Variants in CEP152 observed in about 807,000 individuals in gnomAD.
CEP152 encodes centrosomal protein of 152 kDa.
In CEP152, 132 loss-of-function variants were observed where a neutral mutation model predicts 188.9. The observed-to-expected ratio is 0.70, with a 90% confidence interval of 0.61 to 0.81. The LOEUF (loss-of-function observed/expected upper bound fraction) is 0.81, where lower values mean the gene tolerates loss of function less well. CEP152 is among the 30% of genes least tolerant of loss of function. The pLI, the probability that CEP152 is intolerant of heterozygous loss-of-function variation, is 0.00. For missense variants in CEP152, 1,914 were observed against 1,969.8 expected (o/e 0.97, Z 0.54); for synonymous variants, 649 against 666.6 (o/e 0.97, Z 0.41).
intron 12 of CEP152, 68 bp from the exon 13 acceptor site, chr15:48,772,759 G>T (rs1425143188): frequency 2.3e-5 from 31 of 1,344,686 alleles, no homozygotes; most frequent in Non-Finnish European, 3.1e-5. Flanking sequence ...TTCCCTAAAA[G>T]CACTGACCAC....
At chr15:48,740,986 C>T in intron 26 of CEP152, 2 of 956,524 alleles carry the variant, frequency 2.1e-6, no homozygotes, top group Non-Finnish European at 2.5e-6. Flanking sequence ...AACATATCAC[C>T]CTCATATGTG....
intron 2 of CEP152, among the ~76,000 whole-genome samples, chr15:48,730,563 C>T (rs1409241520): frequency 1.3e-5 from 2 of 152,134 alleles, no homozygotes; most frequent in Non-Finnish European, 2.9e-5. Context: ...GACCTGGAAG[C>T]GCTCAGAGGG....
In CEP152 at chr15:48,752,340, T is replaced by C. The variant is rs777473602; in HGVS notation, c.3466+9A>G. 3.7e-6 allele frequency: 6 copies of C among 1,613,912 alleles called. No homozygotes were observed. In the African/African-American group the frequency reaches 8.0e-5, roughly 22 times the overall value. On this transcript the variant is annotated intron_variant, in intron 21 of 26. Coordinates refer to ENST00000380950, the MANE Select transcript of CEP152 (RefSeq NM_001194998.2). Reference sequence around the variant, plus strand: ...GCTACAAAGACTGGTGGGAACAAAATCCAATTACCAGCTTCTGCTTCTGTT... The same window carrying C: ...GCTACAAAGACTGGTGGGAACAAAACCCAATTACCAGCTTCTGCTTCTGTT...
At chr15:48,756,965 A>G (rs1025742298) in intron 19 of CEP152, among the ~76,000 whole-genome samples, 4 of 152,220 alleles carry the variant, frequency 2.6e-5, no homozygotes, top group African/African-American at 7.2e-5. Context: ...ACACACCTGC[A>G]TAATTACTTG....
chr15:48,766,930 A>C (rs1895155229), intron 17 of CEP152, 130 bp downstream of exon 17: 3 of 1,223,938 alleles, frequency 2.5e-6, no homozygotes, highest in Non-Finnish European at 3.6e-6. Flanking sequence ...AGTGTGATAC[A>C]GCCAAAAGTA....
chr15:48,781,299 T>C lies in CEP152; in HGVS notation c.1474A>G (p.Ile492Val). 6.2e-7 allele frequency: 1 copy of C among 1,611,690 alleles called. No homozygotes were observed. The highest frequency in any genetic ancestry group is 8.5e-7 in the Non-Finnish European group (1 of 1,178,032). Residue 492 changes from isoleucine (I) to valine (V), a missense_variant, in exon 12 of 27, where the codon ATA (isoleucine) becomes GTA (valine). Coordinates refer to ENST00000380950, the MANE Select transcript of CEP152 (RefSeq NM_001194998.2). ...SLYESAAKLG[I>V]HPSDSEGELN... ...TCTCCTTCTGAGTCACTTGGATGTA[T>C]TCCTAGTTTTGCAGCAGATTCATAG...
At chr15:48,730,526 T>A (rs1892387567) in intron 2 of CEP152, among the ~76,000 whole-genome samples, 1 of 152,018 alleles carries the variant, frequency 6.6e-6, no homozygotes, top group African/African-American at 2.4e-5. Flanking sequence ...ATCCCTGAAC[T>A]AATGAGGATG....
At chr15:48,755,246 T>G (rs912028453) in intron 20 of CEP152, among the ~76,000 whole-genome samples, 7 of 152,204 alleles carry the variant, frequency 4.6e-5, no homozygotes, top group Admixed American at 2.0e-4. Flanking sequence ...ATCCAGAAAC[T>G]GGGCTTCAGA....
intron 23 of CEP152, 129 bp downstream of exon 23, chr15:48,744,767 G>A (rs1241393681): frequency 2.3e-6 from 2 of 875,334 alleles, no homozygotes; most frequent in Non-Finnish European, 3.4e-6. Flanking sequence ...CAGGAAATAA[G>A]GTTTTGGGGG....
At chr15:48,736,752 G>A (rs1171742270), downstream of CEP152, among the ~76,000 whole-genome samples, 1 of 152,172 alleles carries the variant, frequency 6.6e-6, no homozygotes, top group East Asian at 1.9e-4. Flanking sequence ...GAAAGCAAGA[G>A]AACTTCCAAT....
chr15:48,796,344 G>A (rs1168166030), intron 5 of CEP152, among the ~76,000 whole-genome samples, 184 bp from the exon 6 acceptor site: 1 of 150,110 alleles, frequency 6.7e-6, no homozygotes, highest in African/African-American at 2.5e-5. Context: ...CTGCTCAAAA[G>A]TAGCACGTAT....
chr15:48,769,696 A>G (rs7178974), intron 13 of CEP152, among the ~76,000 whole-genome samples: 12,248 of 152,274 alleles, frequency 0.08, 748 homozygotes, highest in Admixed American at 0.18. Flanking sequence ...CAAATATCCT[A>G]TTTCTCATCA....
Position 48,739,029 on chromosome 15 carries a change from C to A in CEP152, c.4353G>T (p.Lys1451Asn). Residue 1451 changes from lysine to asparagine, a missense_variant, in exon 27 of 27, where the codon AAG (lysine) becomes AAT (asparagine). By Grantham distance (94) the Lys-to-Asn change is moderately conservative. Transcript: ENST00000380950. ...LEFQFGDGSCKHLNSLPRNVS... is the reference protein window; with the variant it reads ...LEFQFGDGSCNHLNSLPRNVS... The stretch of plus-strand genomic sequence containing the variant: ...CATTCCTTGGCAAACTGTTTAGGTG[C>A]TTGCAACTACCATCCCCAAACTGGA... The A allele has an allele frequency of 1.2e-6, 2 of 1,614,140 alleles. No homozygotes were observed. Among genetic ancestry groups the A allele is most frequent in the Non-Finnish European group, 8.5e-7 (1 of 1,180,020 alleles).
intron 2 of CEP152, chr15:48,729,363 C>T (rs879643289): frequency 2.6e-5 from 4 of 152,184 alleles, no homozygotes; most frequent in Non-Finnish European, 5.9e-5. Context: ...TAGCGAGACA[C>T]TGTGTCTACA....
rs72739872 is a variant in CEP152 at position 48,805,537 on chromosome 15, T to C, written c.87+26A>G. The C allele has an allele frequency of 0.14, 109,364 of 784,176 alleles. 576 individuals carry two copies. Among genetic ancestry groups the C allele is most frequent in the African/African-American group, 0.25 (9,998 of 39,520 alleles). The allele number at this position is 784,176 out of a possible 1,614,324, so 48.6% of individuals were successfully genotyped here. On this transcript the variant is annotated intron_variant, in intron 2 of 26. Coordinates refer to ENST00000380950, the MANE Select transcript of CEP152 (RefSeq NM_001194998.2). ...GTTAAAGATTGGGTTTAGTGTCTCTTTTTTTTTTTTTTTTTAACAACTTAC... is the reference window on the plus strand; with the variant it reads ...GTTAAAGATTGGGTTTAGTGTCTCTCTTTTTTTTTTTTTTTAACAACTTAC...
chr15:48,807,963 T>C (rs1379609955), intron 1 of CEP152, among the ~76,000 whole-genome samples: 2 of 152,074 alleles, frequency 1.3e-5, no homozygotes, highest in African/African-American at 4.8e-5. Context: ...ATTCAAAACA[T>C]GTCATTAAAG....
At position 48,797,390 on chromosome 15, in the gene CEP152, T is replaced by C. The variant is rs1167915343; in HGVS notation, c.451A>G (p.Arg151Gly). 6.2e-7 allele frequency: 1 copy of C among 1,614,046 alleles called. No homozygotes were observed. The highest frequency in any genetic ancestry group is 8.5e-7 in the Non-Finnish European group (1 of 1,180,002). Residue 151 changes from arginine to glycine, a missense_variant, in exon 5 of 27, where the codon AGG (arginine) becomes GGG (glycine). Transcript: ENST00000380950. ...TDLYHLPENF[R>G]PYTNGQKQEF... ...TGCTTCTGACCATTGGTATATGGCC[T>C]AAAGTTTTCAGGAAGGTGATATAAA... is the stretch of plus-strand genomic sequence containing the variant.
In CEP152 at chr15:48,791,220, T is replaced by C. The variant is rs1169990783; in HGVS notation, c.972+17A>G. The C allele has an allele frequency of 6.2e-7, 1 of 1,605,174 alleles. No homozygotes were observed. The highest frequency in any genetic ancestry group is 2.2e-5 in the East Asian group (1 of 44,768). On this transcript the variant is annotated intron_variant, in intron 8 of 26. Transcript: ENST00000380950. Reference sequence around the variant, plus strand: ...AAACTTTTAATTTTTTTACCATACATAAGTTAAAATAGGTACCTGTTCTTC... The same window carrying C: ...AAACTTTTAATTTTTTTACCATACACAAGTTAAAATAGGTACCTGTTCTTC...
intron 8 of CEP152, chr15:48,789,348 A>C: frequency 3.1e-6 from 1 of 320,594 alleles, no homozygotes. Flanking sequence ...CTATGACCAA[A>C]GTGTGGGGTA....
Sources: allele counts gnomAD v4.1 joint callset (sites outside exome capture counted in the v4.1 genomes callset), GRCh38; gene constraint gnomAD v4.1.1; transcripts MANE v1.5; gene names NCBI Gene and HGNC (gene_info 2026-07-23, HGNC 2026-07-21).